The following MAP3K3 variants were observed in gnomAD, a reference collection of about 807,000 sequenced individuals.
MAP3K3 encodes mitogen-activated protein kinase kinase kinase 3.
Under a neutral mutation model 80.9 loss-of-function variants are expected in MAP3K3, and 12 were observed. The ratio of observed to expected loss-of-function variants is 0.15; its 90% CI spans 0.10 to 0.24. The LOEUF (loss-of-function observed/expected upper bound fraction) is 0.24, where lower values mean the gene tolerates loss of function less well. Among genes scored for constraint, MAP3K3 ranks in the 10% least tolerant of loss-of-function variants. MAP3K3 has a pLI of 1.00. For missense variants in MAP3K3, 596 were observed against 834.7 expected, an observed-to-expected ratio of 0.71 and a Z score of 3.52; for synonymous variants, 272 against 307.1, an observed-to-expected ratio of 0.89 and a Z score of 1.19.
chr17:63,661,998 G>A (rs2034901719), intron 5 of MAP3K3, among the ~76,000 whole-genome samples: 1 of 152,136 alleles, frequency 6.6e-6, no homozygotes, highest in South Asian at 2.1e-4. Context: ...AGCTACTCGG[G>A]AGGCTGAGGC....
intron 6 of MAP3K3, among the ~76,000 whole-genome samples, chr17:63,677,776 A>G (rs897442102): frequency 3.9e-5 from 6 of 152,154 alleles, no homozygotes; most frequent in African/African-American, 1.4e-4. Flanking sequence ...CTGAAGCAGG[A>G]GGATCCCTTG....
intron 2 of MAP3K3, among the ~76,000 whole-genome samples, chr17:63,635,610 G>A (rs1169625803): frequency 2.0e-5 from 3 of 152,182 alleles, no homozygotes; most frequent in South Asian, 4.1e-4. Context: ...GAGGTAGTGC[G>A]GGGAAGATGT....
At chr17:63,673,118 A>G (rs746707820) in intron 6 of MAP3K3, among the ~76,000 whole-genome samples, 7 of 152,334 alleles carry the variant, frequency 4.6e-5, no homozygotes, top group South Asian at 2.1e-4. Context: ...TTGATGGGGA[A>G]GCGCAGGGTA....
rs756203244 is a variant in MAP3K3 at position 63,693,820 on chromosome 17, G to A, written c.*43G>A. On this transcript the variant is annotated 3_prime_UTR_variant, in exon 16 of 16. Coordinates refer to ENST00000361733, the MANE Select transcript of MAP3K3 (RefSeq NM_002401.5). The surrounding 1 kb of genome is among the most constrained non-coding windows in gnomAD (Gnocchi z 4.2). Reference sequence around the variant, plus strand: ...GCTGCCGGTCGCCCTTTGCTGCATGGCAGGGGGCTGCTGCTGGGCTCAGTG... The same window carrying A: ...GCTGCCGGTCGCCCTTTGCTGCATGACAGGGGGCTGCTGCTGGGCTCAGTG... The A allele has an allele frequency of 2.9e-5, 44 of 1,521,776 alleles. No individual in the cohort carries two copies. Among genetic ancestry groups the A allele is most frequent in the Non-Finnish European group, 4.0e-5 (44 of 1,111,892 alleles). 94.3% of individuals were successfully genotyped at this position (1,521,776 alleles called of 1,614,324 possible).
chr17:63,656,243 T>C (rs190107074), intron 4 of MAP3K3, among the ~76,000 whole-genome samples: 1 of 147,560 alleles, frequency 6.8e-6, no homozygotes, highest in East Asian at 2.1e-4. Flanking sequence ...AAAAAAAATC[T>C]TGTATTATAA....
intron 2 of MAP3K3, among the ~76,000 whole-genome samples, chr17:63,641,113 T>C (rs1397663445): frequency 6.6e-6 from 1 of 152,258 alleles, no homozygotes. Context: ...TATCAGGTAC[T>C]GTTCTAATCA....
intron 5 of MAP3K3, among the ~76,000 whole-genome samples, chr17:63,658,667 A>G (rs887258051): frequency 4.0e-5 from 6 of 151,668 alleles, no homozygotes; most frequent in East Asian, 3.9e-4. Flanking sequence ...ACATGGCAGC[A>G]TAAGTGTGGG....
In MAP3K3 at chr17:63,694,123, G is replaced by T. The variant is rs149021216; in HGVS notation, c.*346G>T. ...GCACCGAAGCCCAGAGGGTCTGGGG[G>T]CACAAGACTGACGCCAGGGTATGAA... On this transcript the variant is annotated 3_prime_UTR_variant, in exon 16 of 16. Coordinates refer to ENST00000361733, the MANE Select transcript of MAP3K3 (RefSeq NM_002401.5). 507 of 242,146 alleles carry T rather than the reference G, an allele frequency of 2.1e-3. 4 individuals are homozygous for T. Among genetic ancestry groups the T allele is most frequent in the African/African-American group, 0.011 (470 of 44,500 alleles). 15.0% of individuals were successfully genotyped at this position (242,146 alleles called of 1,614,324 possible). A position where few individuals can be genotyped will look rare whatever the true frequency, so the allele number is the denominator to read the frequency against.
At position 63,622,709 on chromosome 17, in the gene MAP3K3, C is replaced by T; in HGVS notation, c.-51C>T. ...CCGGGCCCCCGGCATGCAGCCCCGG[C>T]TGCGGAGGTGACACTCACGGACCTT... On this transcript the variant is annotated 5_prime_UTR_variant, in exon 1 of 16. Transcript: ENST00000361733. 2.2e-6 allele frequency: 1 copy of T among 458,196 alleles called. No individual in the cohort carries two copies. Among genetic ancestry groups the T allele is most frequent in the Non-Finnish European group, 4.2e-6 (1 of 235,638 alleles). 28.4% of individuals were successfully genotyped at this position (458,196 alleles called of 1,614,324 possible).
intron 5 of MAP3K3, among the ~76,000 whole-genome samples, chr17:63,665,136 C>T (rs2034974192): frequency 6.6e-6 from 1 of 152,028 alleles, no homozygotes; most frequent in African/African-American, 2.4e-5. Flanking sequence ...AACCCCATCT[C>T]TACTAAAAAT....
In MAP3K3 at chr17:63,681,849, A is replaced by G; in HGVS notation, c.586A>G (p.Thr196Ala). The part of the protein sequence containing the change: ...QQHIARQGSY[T>A]SINSEGEFIP... Reference sequence around the variant, plus strand: ...GCACATTGCCCGGCAGGGGTCCTACACCAGCATCAACAGTGAGGGGGAGTT... The same window carrying G: ...GCACATTGCCCGGCAGGGGTCCTACGCCAGCATCAACAGTGAGGGGGAGTT... Residue 196 changes from threonine (T) to alanine (A), a missense_variant, in exon 7 of 16, where the codon ACC becomes GCC. Thr to Ala is a moderately conservative substitution (Grantham distance 58). Around this residue, in one of 2 missense-constraint regions of MAP3K3, gnomAD observed 364 missense variants for 588.9 expected, o/e 0.62. Coordinates refer to ENST00000361733, the MANE Select transcript of MAP3K3 (RefSeq NM_002401.5). 6.5e-7 allele frequency: 1 copy of G among 1,544,878 alleles called. No homozygotes were observed. Among genetic ancestry groups the G allele is most frequent in the Non-Finnish European group, 8.8e-7 (1 of 1,140,950 alleles).
chr17:63,652,884 A>G (rs1266517123), intron 4 of MAP3K3, among the ~76,000 whole-genome samples: 2 of 152,174 alleles, frequency 1.3e-5, no homozygotes, highest in African/African-American at 4.8e-5. Context: ...TTCAGTGCAG[A>G]TAGCTCTAAT....
intron 6 of MAP3K3, among the ~76,000 whole-genome samples, chr17:63,667,551 T>A (rs192095725): frequency 6.6e-6 from 1 of 152,134 alleles, no homozygotes; most frequent in East Asian, 1.9e-4. Flanking sequence ...ACTATTGACA[T>A]AGTACAGTCA....
chr17:63,662,245 A>G (rs1297182565), intron 5 of MAP3K3, among the ~76,000 whole-genome samples: 8 of 122,380 alleles, frequency 6.5e-5, no homozygotes, highest in South Asian at 2.6e-4. Context: ...GTCTCTATTG[A>G]AAAAAAAAAA....
intron 11 of MAP3K3, chr17:63,690,014 A>G: frequency 1.7e-6 from 1 of 580,172 alleles, no homozygotes; most frequent in Non-Finnish European, 3.0e-6. Flanking sequence ...TTGGAAGGAA[A>G]TGCATTTGAT....
rs532881627 is a variant in MAP3K3, at chr17:63,691,423, A to T, written c.1344+190A>T. 3.3e-5 allele frequency among the ~76,000 whole-genome samples: 5 copies of T among 152,282 alleles called. No homozygotes were observed. In the South Asian group the frequency reaches 8.3e-4, roughly 25 times the overall value. On this transcript the variant is annotated intron_variant, in intron 13 of 15. Transcript: ENST00000361733. The surrounding 1 kb of genome is among the most constrained non-coding windows in gnomAD (Gnocchi z 4.8). ...CCCTGCCTCAGGTTGCAGTGGGAGT[A>T]TGAGATGACAGCTGTCCTAGGTCCA... is the stretch of plus-strand genomic sequence containing the variant.
intron 3 of MAP3K3, among the ~76,000 whole-genome samples, chr17:63,651,183 T>G (rs1280234435): frequency 6.6e-6 from 1 of 152,106 alleles, no homozygotes; most frequent in Non-Finnish European, 1.5e-5. Flanking sequence ...ACCTAATACA[T>G]TCATTCAAAC....
rs749482716 is a variant in MAP3K3 at position 63,693,833 on chromosome 17, G to T, written c.*56G>T. 2.0e-6 allele frequency: 3 copies of T among 1,466,988 alleles called. No homozygotes were observed. Among genetic ancestry groups the T allele is most frequent in the Non-Finnish European group, 2.8e-6 (3 of 1,070,314 alleles). 90.9% of individuals were successfully genotyped at this position (1,466,988 alleles called of 1,614,324 possible). On this transcript the variant is annotated 3_prime_UTR_variant, in exon 16 of 16. Transcript: ENST00000361733. The surrounding 1 kb of genome is among the most constrained non-coding windows in gnomAD (Gnocchi z 4.2). ...CTTTGCTGCATGGCAGGGGGCTGCT[G>T]CTGGGCTCAGTGAAGTTGCTGCTTC...
chr17:63,622,817 C>T (rs2034016040), intron 1 of MAP3K3, 54 bp downstream of exon 1: 1 of 448,360 alleles, frequency 2.2e-6, no homozygotes, highest in Non-Finnish European at 4.4e-6. Flanking sequence ...GACGCCCCGC[C>T]CCAGGCTGAG....
Sources: allele counts gnomAD v4.1 joint callset (sites outside exome capture counted in the v4.1 genomes callset), GRCh38; gene constraint gnomAD v4.1.1; regional missense constraint gnomAD v4.1.1; non-coding constraint Gnocchi (gnomAD v3.1); transcripts MANE v1.5; gene names NCBI Gene and HGNC (gene_info 2026-07-23, HGNC 2026-07-21).